Variants in ROBO2 observed in about 807,000 individuals in gnomAD.
The protein encoded by ROBO2 is roundabout guidance receptor 2, also known as roundabout homolog 2.
ROBO2 carries 53 observed loss-of-function variants against 160.8 expected under a neutral mutation model. The observed-to-expected ratio is 0.33, with a 90% CI of 0.26 to 0.41. ROBO2 has a LOEUF of 0.41. Among genes scored for constraint, ROBO2 ranks in the 10% least tolerant of loss-of-function variants. The probability of loss-of-function intolerance (pLI) is 1.00; values close to 1 mark genes in which losing one functional copy is unlikely to be tolerated. For synonymous variants in ROBO2, 664 were observed against 611.7 expected (o/e 1.09, Z -1.26); for missense variants, 1,577 against 1,722.4 (o/e 0.92, Z 1.49).
intron 2 of ROBO2, among the ~76,000 whole-genome samples, chr3:76,165,119 C>G (rs2072779398): frequency 6.6e-6 from 1 of 152,120 alleles, no homozygotes; most frequent in African/African-American, 2.4e-5. Context: ...GTTGACTTTT[C>G]TCTATCTATG....
At chr3:76,361,009 C>T (rs545398226) in intron 2 of ROBO2, among the ~76,000 whole-genome samples, 2 of 152,080 alleles carry the variant, frequency 1.3e-5, no homozygotes, top group African/African-American at 2.4e-5. Context: ...TTAGTTAAGT[C>T]GTTACTGTGC....
At chr3:77,206,086 C>T (rs2083413551) in intron 2 of ROBO2, among the ~76,000 whole-genome samples, 1 of 152,090 alleles carries the variant, frequency 6.6e-6, no homozygotes, top group African/African-American at 2.4e-5. Context: ...CGGTCTCTGC[C>T]TTCTCTTCAC....
At position 76,221,033 on chromosome 3, in the gene ROBO2, A is replaced by T. The variant is rs140250882; in HGVS notation, c.109+283431A>T. Among the ~76,000 whole-genome samples, 44 of 133,182 alleles carry T rather than the reference A, an allele frequency of 3.3e-4. No individual in the cohort carries two copies. In the East Asian group the frequency reaches 9.0e-3, roughly 27 times the overall value. The allele number at this position is 133,182 out of a possible 152,430, so 87.4% of individuals were successfully genotyped here. On this transcript the variant is annotated intron_variant, in intron 2 of 26. Coordinates refer to the ROBO2 transcript ENST00000487694. ...ATAGAACATGGTAATACTAGGAGAC[A>T]TCATGAAGGATCTCCTGTGTTGTAG...
intron 2 of ROBO2, among the ~76,000 whole-genome samples, chr3:76,551,736 C>T (rs2083435823): frequency 6.6e-6 from 1 of 152,128 alleles, no homozygotes; most frequent in African/African-American, 2.4e-5. Flanking sequence ...ATATGGGTGC[C>T]CACAGTGGAA....
chr3:76,766,202 G>A (rs894297234), intron 2 of ROBO2, among the ~76,000 whole-genome samples: 7 of 151,538 alleles, frequency 4.6e-5, no homozygotes, highest in African/African-American at 1.7e-4. Flanking sequence ...ATAAGTCAAC[G>A]AAACCTCCAA....
chr3:76,458,304 A>G (rs567082868), intron 2 of ROBO2, among the ~76,000 whole-genome samples: 3 of 152,192 alleles, frequency 2.0e-5, no homozygotes, highest in East Asian at 3.9e-4. Context: ...AAGTCCCACA[A>G]TCTGTAGGGC....
intron 2 of ROBO2, among the ~76,000 whole-genome samples, chr3:76,295,411 C>A (rs1709017859): frequency 6.6e-6 from 1 of 151,802 alleles, no homozygotes; most frequent in South Asian, 2.1e-4. Context: ...TAATCCCTGC[C>A]CTCAAGATGT....
intron 2 of ROBO2, among the ~76,000 whole-genome samples, chr3:76,250,419 A>C (rs1277989979): frequency 6.6e-6 from 1 of 152,096 alleles, no homozygotes; most frequent in Non-Finnish European, 1.5e-5. Flanking sequence ...GAGAGCAAAA[A>C]TCACACTGGG....
intron 2 of ROBO2, among the ~76,000 whole-genome samples, chr3:77,171,540 A>G (rs2079633264): frequency 6.6e-6 from 1 of 152,248 alleles, no homozygotes; most frequent in South Asian, 2.1e-4. Flanking sequence ...CTTTACAGAA[A>G]TAGTTATATT....
intron 2 of ROBO2, among the ~76,000 whole-genome samples, chr3:76,195,351 C>A (rs1337098242): frequency 6.6e-6 from 1 of 152,192 alleles, no homozygotes; most frequent in East Asian, 1.9e-4. Flanking sequence ...GAGGAACTCA[C>A]AGATCACCTG....
At chr3:77,586,516 C>A (rs989402294) in intron 16 of ROBO2, among the ~76,000 whole-genome samples, 1 of 151,992 alleles carries the variant, frequency 6.6e-6, no homozygotes, top group African/African-American at 2.4e-5. Context: ...TCTGCAAGAA[C>A]AATGGAGCAT....
At chr3:76,489,480 C>T (rs1011767959) in intron 2 of ROBO2, among the ~76,000 whole-genome samples, 2 of 152,100 alleles carry the variant, frequency 1.3e-5, no homozygotes, top group East Asian at 1.9e-4. Context: ...AGTTAAACCA[C>T]ACAGTGAATT....
At chr3:75,977,492 C>T (rs1179904910) in intron 2 of ROBO2, among the ~76,000 whole-genome samples, 1 of 151,464 alleles carries the variant, frequency 6.6e-6, no homozygotes, top group Non-Finnish European at 1.5e-5. Context: ...GAAACTCTTC[C>T]TTTTTGAAAA....
chr3:77,093,461 A>G (rs916063953), intron 1 of ROBO2, among the ~76,000 whole-genome samples: 2 of 152,172 alleles, frequency 1.3e-5, no homozygotes, highest in East Asian at 1.9e-4. Context: ...AATACCCAGT[A>G]GTTTAGTGCT....
intron 2 of ROBO2, among the ~76,000 whole-genome samples, chr3:76,557,694 C>T (rs2083885893): frequency 7.1e-6 from 1 of 141,220 alleles, no homozygotes; most frequent in African/African-American, 2.6e-5. Flanking sequence ...CATGGAATTC[C>T]TTTGATTTTC....
At chr3:77,486,380 CAACT>C (rs2085355578) in intron 4 of ROBO2, among the ~76,000 whole-genome samples, 1 of 152,160 alleles carries the variant, frequency 6.6e-6, no homozygotes, top group South Asian at 2.1e-4. Context: ...ACATTCCCAC[CAACT>C]GTGTAAAAGC....
chr3:77,109,811 A>C (rs1431929593), intron 2 of ROBO2, among the ~76,000 whole-genome samples: 3 of 152,238 alleles, frequency 2.0e-5, no homozygotes, highest in African/African-American at 7.2e-5. Context: ...TACTATGCTA[A>C]GCATCCTCAC....
chr3:77,574,966 T>G (rs1017095011), intron 14 of ROBO2, among the ~76,000 whole-genome samples: 1 of 152,170 alleles, frequency 6.6e-6, no homozygotes, highest in South Asian at 2.1e-4. Context: ...TATGTTTAAG[T>G]TCACTTGAAT....
At chr3:77,317,072 A>G (rs1315357782) in intron 2 of ROBO2, 2 of 1,438,410 alleles carry the variant, frequency 1.4e-6, no homozygotes, top group East Asian at 2.3e-5. Context: ...TGAAGCTGGA[A>G]TTCATCAGTC....
Sources: gnomAD v4.1 joint callset for allele counts (sites outside exome capture counted in the v4.1 genomes callset) on GRCh38, gnomAD v4.1.1 for gene constraint, MANE v1.5 for transcripts, NCBI Gene and HGNC (gene_info 2026-07-23, HGNC 2026-07-21) for gene names.